Variants in PCDHGB2 observed in about 807,000 individuals in gnomAD.
PCDHGB2 encodes the protein protocadherin gamma-B2.
A neutral mutation model predicts 59.3 loss-of-function variants in PCDHGB2; 55 were observed. The observed-to-expected ratio is 0.93, with a 90% CI of 0.75 to 1.16. The LOEUF is 1.16. PCDHGB2 is among the 50% of genes most tolerant of loss of function. The probability of loss-of-function intolerance (pLI) is 0.00; values close to 1 mark genes in which losing one functional copy is unlikely to be tolerated. For missense variants in PCDHGB2, 1,228 were observed against 1,198.5 expected (o/e 1.02, Z -0.36); for synonymous variants, 516 against 512.0 (o/e 1.01, Z -0.11).
intron 1 of PCDHGB2, chr5:141,372,142 A>T: frequency 2.5e-6 from 4 of 1,613,728 alleles, no homozygotes; most frequent in Non-Finnish European, 3.4e-6. Flanking sequence ...CGCTCTGCAG[A>T]GCCTGGCTAC....
At chr5:141,500,991 C>T (rs2099804636) in intron 2 of PCDHGB2, among the ~76,000 whole-genome samples, 1 of 152,024 alleles carries the variant, frequency 6.6e-6, no homozygotes, top group South Asian at 2.1e-4. Flanking sequence ...GCCTCAGCCT[C>T]CTGAGTAGCT....
chr5:141,412,963 G>A (rs1387713187), intron 1 of PCDHGB2: 2 of 518,110 alleles, frequency 3.9e-6, no homozygotes, highest in South Asian at 3.3e-5. Context: ...TCACCTACTA[G>A]GAGAGAAAAC....
chr5:141,415,461 T>C, intron 1 of PCDHGB2: 5 of 1,614,180 alleles, frequency 3.1e-6, no homozygotes, highest in Non-Finnish European at 4.2e-6. Context: ...ACGAGGTCTC[T>C]CTCACCGCGG....
At position 141,362,405 on chromosome 5, in the gene PCDHGB2, C is replaced by T. The variant is rs1487845960; in HGVS notation, c.2270C>T (p.Ala757Val). 14 of 1,614,052 alleles carry T rather than the reference C, an allele frequency of 8.7e-6. No homozygotes were observed. The highest frequency in any genetic ancestry group is 1.1e-5 in the Non-Finnish European group (13 of 1,179,908). ...TLPYSYNLCV[A>V]SQSAKTEFNF... ...CCCTATTCCTACAACCTGTGTGTTG[C>T]CTCACAATCAGCCAAGACAGAGTTC... is the stretch of plus-strand genomic sequence containing the variant. The change falls in exon 1 of 4, where the codon GCC becomes GTC. Residue 757 changes from alanine to valine, a missense_variant. Coordinates refer to ENST00000522605, the MANE Select transcript of PCDHGB2 (RefSeq NM_018923.3).
Position 141,511,983 on chromosome 5 carries a change from G to C in PCDHGB2, c.*810G>C, listed in dbSNP as rs904146751. On this transcript the variant is annotated 3_prime_UTR_variant, in exon 4 of 4. Coordinates refer to ENST00000522605, the MANE Select transcript of PCDHGB2 (RefSeq NM_018923.3). ...AGGGAAGTGTGTGGATGTGGATGGT[G>C]GGGGCATGGACAAAGCTTGACACAT... 6.5e-6 allele frequency: 1 copy of C among 153,280 alleles called. No individual in the cohort carries two copies. The allele number at this position is 153,280 out of a possible 1,614,324, so 9.5% of individuals were successfully genotyped here.
intron 1 of PCDHGB2, among the ~76,000 whole-genome samples, chr5:141,472,602 T>C (rs1032061805): frequency 4.6e-5 from 7 of 152,026 alleles, no homozygotes; most frequent in African/African-American, 1.4e-4. Context: ...CTTGAAATTA[T>C]AAAACAAAGA....
At chr5:141,389,463 GA>G in intron 1 of PCDHGB2, 1 of 1,613,310 alleles carries the variant, frequency 6.2e-7, no homozygotes, top group Non-Finnish European at 8.5e-7. Context: ...GCGCGCCTTC[GA>G]ACTCACACTG....
rs1160428745 is a variant in PCDHGB2 at position 141,361,757 on chromosome 5, C to T, written c.1622C>T (p.Ala541Val). Residue 541 changes from alanine (A) to valine (V), a missense_variant, in exon 1 of 4, where the codon GCG becomes GTG. Around this residue, in one of 3 missense-constraint regions of PCDHGB2, gnomAD observed 781 missense variants for 721.6 expected, o/e 1.08. Coordinates refer to ENST00000522605, the MANE Select transcript of PCDHGB2 (RefSeq NM_018923.3). ...TLQARDQGSPALSANVSLRVL... is the reference protein window; with the variant it reads ...TLQARDQGSPVLSANVSLRVL... ...CAGGCCCGCGACCAGGGCTCGCCCGCGCTCAGCGCCAACGTGAGCCTGCGC... is the reference window on the plus strand; with the variant it reads ...CAGGCCCGCGACCAGGGCTCGCCCGTGCTCAGCGCCAACGTGAGCCTGCGC... 2 of 1,613,096 alleles carry T rather than the reference C, an allele frequency of 1.2e-6. No individual in the cohort carries two copies. The highest frequency in any genetic ancestry group is 8.5e-7 in the Non-Finnish European group (1 of 1,179,718).
intron 1 of PCDHGB2, among the ~76,000 whole-genome samples, chr5:141,424,979 T>G (rs565208060): frequency 1.4e-4 from 22 of 152,322 alleles, no homozygotes; most frequent in African/African-American, 4.6e-4. Flanking sequence ...CTTGGATATT[T>G]ATGTTCCCTT....
intron 1 of PCDHGB2, chr5:141,423,091 G>A (rs1243671863): frequency 6.2e-7 from 1 of 1,613,908 alleles, no homozygotes; most frequent in Non-Finnish European, 8.5e-7. Flanking sequence ...CGCGGTGGGG[G>A]AGCACACGGG....
chr5:141,406,434 A>G (rs1203599965), intron 1 of PCDHGB2, among the ~76,000 whole-genome samples: 1 of 152,238 alleles, frequency 6.6e-6, no homozygotes, highest in Non-Finnish European at 1.5e-5. Context: ...TATTGCTTCT[A>G]TTCTTCCATT....
At chr5:141,418,348 T>C in intron 1 of PCDHGB2, 4 of 1,613,982 alleles carry the variant, frequency 2.5e-6, no homozygotes, top group Non-Finnish European at 3.4e-6. Context: ...CTGATATTAG[T>C]ATGAATTCGC....
chr5:141,486,168 A>C lies in PCDHGB2; in HGVS notation c.2422-8639A>C, dbSNP rs774913463. 6.2e-7 allele frequency: 1 copy of C among 1,614,196 alleles called. No homozygotes were observed. Among genetic ancestry groups the C allele is most frequent in the South Asian group, 1.1e-5 (1 of 91,084 alleles). On this transcript the variant is annotated intron_variant, in intron 1 of 3. Transcript: ENST00000522605. The surrounding 1 kb of genome is among the most constrained non-coding windows in gnomAD (Gnocchi z 5.0). ...GATGGGGGTTCTCCAGCCATGGAGC[A>C]ACATTGCAGCCTTCGAGTGGATCTG...
chr5:141,449,718 G>A (rs2098653155), intron 1 of PCDHGB2, among the ~76,000 whole-genome samples: 2 of 150,760 alleles, frequency 1.3e-5, no homozygotes, highest in Admixed American at 6.6e-5. Flanking sequence ...ATTTTTATAT[G>A]ATATGATTTT....
chr5:141,482,740 G>A (rs1288861437), intron 1 of PCDHGB2, among the ~76,000 whole-genome samples: 1 of 127,398 alleles, frequency 7.8e-6, no homozygotes, highest in African/African-American at 3.6e-5. Context: ...GAAATTCCAT[G>A]CAGAGGGATT....
intron 1 of PCDHGB2, among the ~76,000 whole-genome samples, chr5:141,402,221 G>A (rs567791316): frequency 1.3e-5 from 2 of 151,942 alleles, no homozygotes; most frequent in Admixed American, 6.5e-5. Context: ...TAAAATAAAC[G>A]TTTTTCCAGG....
chr5:141,495,982 T>C (rs2099765062), intron 2 of PCDHGB2, among the ~76,000 whole-genome samples: 2 of 152,144 alleles, frequency 1.3e-5, no homozygotes. Context: ...TACTCTTTCT[T>C]TATCTCTCTT....
At chr5:141,492,509 C>T (rs1276866000) in intron 1 of PCDHGB2, among the ~76,000 whole-genome samples, 1 of 152,216 alleles carries the variant, frequency 6.6e-6, no homozygotes, top group African/African-American at 2.4e-5. Context: ...CCGGAGCCTC[C>T]TCTCACCTCT....
intron 1 of PCDHGB2, chr5:141,393,081 A>T (rs1005323306): frequency 6.2e-7 from 1 of 1,613,672 alleles, no homozygotes; most frequent in South Asian, 1.1e-5. Flanking sequence ...CGCGGGCAGG[A>T]TAGATCGGGA....
Sources: allele counts gnomAD v4.1 joint callset (sites outside exome capture counted in the v4.1 genomes callset), GRCh38; gene constraint gnomAD v4.1.1; regional missense constraint gnomAD v4.1.1; non-coding constraint Gnocchi (gnomAD v3.1); transcripts MANE v1.5; gene names NCBI Gene and HGNC (gene_info 2026-07-23, HGNC 2026-07-21).